Variants in SLC35F4 observed in about 807,000 individuals in gnomAD.
SLC35F4 encodes solute carrier family 35 member F4.
In SLC35F4, 24 loss-of-function variants were observed where a neutral mutation model predicts 44.2. The observed-to-expected ratio is 0.54, with a 90% CI of 0.39 to 0.76. The LOEUF is 0.76. SLC35F4 is among the 30% of genes least tolerant of loss of function. SLC35F4 has a pLI of 0.00. For missense variants in SLC35F4, 562 were observed against 586.1 expected (o/e 0.96, Z 0.42); for synonymous variants, 238 against 223.6 (o/e 1.06, Z -0.57).
chr14:57,683,176 T>A (rs1240643296), intron 1 of SLC35F4, among the ~76,000 whole-genome samples: 6 of 152,242 alleles, frequency 3.9e-5, no homozygotes, highest in African/African-American at 1.4e-4. Context: ...ACTAGTGCAT[T>A]ATTTTATCCC....
chr14:57,813,185 T>C (rs985239577), intron 1 of SLC35F4, among the ~76,000 whole-genome samples: 5 of 152,198 alleles, frequency 3.3e-5, no homozygotes, highest in African/African-American at 1.2e-4. Flanking sequence ...CAGTAGAACC[T>C]TTCAGTATCA....
chr14:57,594,565 C>T (rs1041044539), intron 1 of SLC35F4, among the ~76,000 whole-genome samples: 12 of 152,148 alleles, frequency 7.9e-5, no homozygotes, highest in African/African-American at 2.9e-4. Context: ...AATCTATTCA[C>T]TAGAAATGAA....
chr14:57,741,566 T>A (rs1385820625), intron 1 of SLC35F4, among the ~76,000 whole-genome samples: 1 of 151,918 alleles, frequency 6.6e-6, no homozygotes, highest in Admixed American at 6.6e-5. Context: ...AATGAACAAA[T>A]CCTCCAAGAA....
chr14:57,718,708 G>C (rs2076005972), intron 1 of SLC35F4, among the ~76,000 whole-genome samples: 2 of 152,014 alleles, frequency 1.3e-5, no homozygotes, highest in Non-Finnish European at 2.9e-5. Context: ...TTTTCCTATA[G>C]AGTTGTTTGA....
chr14:57,637,493 G>T (rs1300791224), intron 1 of SLC35F4, among the ~76,000 whole-genome samples: 1 of 152,090 alleles, frequency 6.6e-6, no homozygotes, highest in Non-Finnish European at 1.5e-5. Context: ...GCTTCTCTCT[G>T]CAGTCTTACA....
intron 1 of SLC35F4, among the ~76,000 whole-genome samples, chr14:57,951,401 C>T (rs185595073): frequency 3.5e-4 from 54 of 152,238 alleles, no homozygotes; most frequent in Admixed American, 3.4e-3. Context: ...TTTTTTCATA[C>T]CCCAGTGGTG....
intron 1 of SLC35F4, among the ~76,000 whole-genome samples, chr14:57,643,210 G>A (rs2073330124): frequency 1.3e-5 from 2 of 151,914 alleles, no homozygotes; most frequent in African/African-American, 4.8e-5. Context: ...TAATTTGACA[G>A]CTAATGATTT....
chr14:57,954,503 T>A (rs750331328), intron 1 of SLC35F4, among the ~76,000 whole-genome samples: 34 of 152,026 alleles, frequency 2.2e-4, no homozygotes, highest in Non-Finnish European at 4.0e-4. Flanking sequence ...TTTGAAAAGA[T>A]TAACAAAATA....
At chr14:57,802,521 A>G (rs1314392576) in intron 1 of SLC35F4, among the ~76,000 whole-genome samples, 4 of 151,788 alleles carry the variant, frequency 2.6e-5, no homozygotes, top group East Asian at 1.9e-4. Context: ...AAAAAAATCA[A>G]TGAATCCAGG....
At chr14:57,581,580 C>A in intron 3 of SLC35F4, 147 bp from the exon 4 acceptor site, 1 of 735,396 alleles carries the variant, frequency 1.4e-6, no homozygotes, top group Admixed American at 3.0e-5. Context: ...GTTCTGAAAT[C>A]TGCGGGCTTC....
chr14:57,808,617 G>T (rs563770201), intron 1 of SLC35F4, among the ~76,000 whole-genome samples: 1 of 151,752 alleles, frequency 6.6e-6, no homozygotes, highest in Non-Finnish European at 1.5e-5. Context: ...GGGCAATATG[G>T]CAAGATCCCA....
intron 1 of SLC35F4, among the ~76,000 whole-genome samples, chr14:57,712,788 T>G (rs962745643): frequency 6.6e-6 from 1 of 152,220 alleles, no homozygotes; most frequent in African/African-American, 2.4e-5. Flanking sequence ...AGCTTTTAAA[T>G]GTCTGCCAAA....
intron 1 of SLC35F4, among the ~76,000 whole-genome samples, chr14:57,767,858 A>G (rs981332511): frequency 5.3e-5 from 8 of 152,178 alleles, no homozygotes; most frequent in Non-Finnish European, 1.5e-5. Context: ...CCATTAAAAG[A>G]ATAGTAAGGG....
At chr14:57,720,431 T>A (rs889725192) in intron 1 of SLC35F4, among the ~76,000 whole-genome samples, 5 of 152,214 alleles carry the variant, frequency 3.3e-5, no homozygotes, top group African/African-American at 1.2e-4. Flanking sequence ...TAAACAATTG[T>A]TAGAATTCAG....
intron 1 of SLC35F4, among the ~76,000 whole-genome samples, chr14:57,775,592 T>C (rs2077469615): frequency 6.6e-6 from 1 of 152,230 alleles, no homozygotes; most frequent in Non-Finnish European, 1.5e-5. Flanking sequence ...GAACCCATCT[T>C]ATACCACAAT....
At chr14:57,900,375 G>A (rs1323508836) in intron 1 of SLC35F4, among the ~76,000 whole-genome samples, 1 of 152,194 alleles carries the variant, frequency 6.6e-6, no homozygotes, top group Non-Finnish European at 1.5e-5. Context: ...AGAGGGTGGA[G>A]TGATACACCA....
intron 1 of SLC35F4, among the ~76,000 whole-genome samples, chr14:57,829,886 C>A (rs577770013): frequency 1.1e-4 from 16 of 151,998 alleles, no homozygotes; most frequent in African/African-American, 3.6e-4. Flanking sequence ...ATTTTATAAG[C>A]AATGGGAAAT....
In SLC35F4 at chr14:57,680,188, C is replaced by T. The variant is rs181915734; in HGVS notation, c.104-86064G>A. On this transcript the variant is annotated intron_variant, in intron 1 of 7. Transcript: ENST00000556826. ...AGCTTATCCACCACGATCAAGTCAG[C>T]GTCATCCGTGGGATGCAAGTCTGGT... Among the ~76,000 whole-genome samples the T allele has an allele frequency of 1.8e-3, 267 of 152,210 alleles. 1 individual carries two copies. The highest frequency in any genetic ancestry group is 1.1e-3 in the Non-Finnish European group (73 of 68,008).
intron 1 of SLC35F4, among the ~76,000 whole-genome samples, chr14:57,737,949 G>A (rs1186253929): frequency 3.3e-5 from 5 of 152,044 alleles, no homozygotes; most frequent in Non-Finnish European, 7.4e-5. Flanking sequence ...AAGTACTAGG[G>A]GTAGGCAGAA....
Sources: allele counts gnomAD v4.1 joint callset (sites outside exome capture counted in the v4.1 genomes callset), GRCh38; gene constraint gnomAD v4.1.1; transcripts MANE v1.5; gene names NCBI Gene and HGNC (gene_info 2026-07-23, HGNC 2026-07-21).